The following HERC1 variants were observed in gnomAD, a reference collection of about 807,000 sequenced individuals.
The protein encoded by HERC1 is probable E3 ubiquitin-protein ligase HERC1.
A neutral mutation model predicts 554.3 loss-of-function variants in HERC1; 160 were observed. The ratio of observed to expected loss-of-function variants is 0.29; its 90% CI spans 0.25 to 0.33. The LOEUF (loss-of-function observed/expected upper bound fraction) is 0.33, where lower values mean the gene tolerates loss of function less well. Among genes scored for constraint, HERC1 ranks in the 10% least tolerant of loss-of-function variants. The pLI, the probability that HERC1 is intolerant of heterozygous loss-of-function variation, is 1.00. For synonymous variants in HERC1, 2,175 were observed against 2,131.7 expected (o/e 1.02, Z -0.56); for missense variants, 4,919 against 5,918.5 (o/e 0.83, Z 5.54).
At position 63,643,393 on chromosome 15, in the gene HERC1, T is replaced by A. The variant is rs1334007748; in HGVS notation, c.11331+11A>T. The A allele has an allele frequency of 6.2e-7, 1 of 1,601,972 alleles. No homozygotes were observed. Among genetic ancestry groups the A allele is most frequent in the Non-Finnish European group, 8.5e-7 (1 of 1,175,986 alleles). Reference sequence around the variant, plus strand: ...TATTCCTTAACATAAAAATAAAATCTATGCTCTTACCCTTAAAGACCAAAT... The same window carrying A: ...TATTCCTTAACATAAAAATAAAATCAATGCTCTTACCCTTAAAGACCAAAT... On this transcript the variant is annotated intron_variant, in intron 58 of 77. Coordinates refer to ENST00000443617, the MANE Select transcript of HERC1 (RefSeq NM_003922.4).
At chr15:63,741,956 T>C (rs1462145812) in intron 12 of HERC1, among the ~76,000 whole-genome samples, 1 of 152,214 alleles carries the variant, frequency 6.6e-6, no homozygotes, top group Non-Finnish European at 1.5e-5. Context: ...CAAGACTGTT[T>C]TGGCTACTCT....
chr15:63,711,240 G>C (rs2073277088), intron 24 of HERC1, among the ~76,000 whole-genome samples: 1 of 152,172 alleles, frequency 6.6e-6, no homozygotes, highest in African/African-American at 2.4e-5. Context: ...CAGGAGGATT[G>C]CTTGAGCTCA....
chr15:63,831,758 C>T (rs1596348550), intron 1 of HERC1, among the ~76,000 whole-genome samples: 2 of 152,254 alleles, frequency 1.3e-5, no homozygotes, highest in African/African-American at 4.8e-5. Context: ...TCTACTAACC[C>T]AATCCAGTCC....
chr15:63,689,803 T>C (rs1050470827), intron 32 of HERC1, 104 bp from the exon 33 acceptor site: 1 of 629,426 alleles, frequency 1.6e-6, no homozygotes, highest in Non-Finnish European at 2.7e-6. Context: ...CATGCGAAGT[T>C]TGATTATACC....
intron 1 of HERC1, among the ~76,000 whole-genome samples, chr15:63,796,928 T>G (rs2076831566): frequency 6.6e-6 from 1 of 152,218 alleles, no homozygotes; most frequent in Non-Finnish European, 1.5e-5. Context: ...TCTTGTTCTA[T>G]CAGTAATTCC....
intron 12 of HERC1, among the ~76,000 whole-genome samples, chr15:63,744,879 G>T (rs1170744348): frequency 2.6e-5 from 4 of 152,170 alleles, no homozygotes; most frequent in Non-Finnish European, 5.9e-5. Context: ...AAGCCAGAAA[G>T]TCTCAGAGGC....
At chr15:63,829,722 T>C (rs1324736415) in intron 1 of HERC1, among the ~76,000 whole-genome samples, 1 of 151,164 alleles carries the variant, frequency 6.6e-6, no homozygotes, top group Non-Finnish European at 1.5e-5. Flanking sequence ...CAGAGCTCCT[T>C]GGAGAAGTAG....
At chr15:63,724,953 A>G (rs1315109773) in intron 18 of HERC1, among the ~76,000 whole-genome samples, 1 of 152,216 alleles carries the variant, frequency 6.6e-6, no homozygotes, top group Non-Finnish European at 1.5e-5. Context: ...AAGTACTCTT[A>G]CAGTGCTTTA....
At chr15:63,791,435 A>G (rs1019760198) in intron 1 of HERC1, among the ~76,000 whole-genome samples, 1 of 152,218 alleles carries the variant, frequency 6.6e-6, no homozygotes. Context: ...AGAAAGATGA[A>G]TCATCAATGC....
intron 1 of HERC1, among the ~76,000 whole-genome samples, chr15:63,831,550 C>A (rs772064277): frequency 6.6e-6 from 1 of 152,114 alleles, no homozygotes; most frequent in Admixed American, 6.5e-5. Context: ...TCTCACTCTC[C>A]AAGCCACGAT....
intron 68 of HERC1, among the ~76,000 whole-genome samples, chr15:63,631,109 G>C (rs2068531731): frequency 6.6e-6 from 1 of 152,154 alleles, no homozygotes; most frequent in South Asian, 2.1e-4. Flanking sequence ...CTCCTGAGTA[G>C]CTTGGACCAC....
rs143758889 is a variant in HERC1 at position 63,656,474 on chromosome 15, C to T, written c.9600-116G>A. On this transcript the variant is annotated intron_variant, in intron 48 of 77. Coordinates refer to ENST00000443617, the MANE Select transcript of HERC1 (RefSeq NM_003922.4). ...CAACCATAATAAAATGTAAGCTGCA[C>T]TATCATTAGCCATACATGTCCTAAG... 34 of 903,468 alleles carry T rather than the reference C, an allele frequency of 3.8e-5. No individual in the cohort carries two copies. The East Asian group carries it at 8.0e-4, about 21-fold the overall frequency. The allele number at this position is 903,468 out of a possible 1,614,324, so 56.0% of individuals were successfully genotyped here.
Position 63,635,034 on chromosome 15 carries a change from T to A in HERC1, c.12415-146A>T, listed in dbSNP as rs564262250. 728 of 391,732 alleles carry A rather than the reference T, an allele frequency of 1.9e-3. 7 individuals are homozygous for A. The East Asian group carries it at 0.02, about 11-fold the overall frequency. The allele number at this position is 391,732 out of a possible 1,614,324, so 24.3% of individuals were successfully genotyped here. On this transcript the variant is annotated intron_variant, in intron 65 of 77. Coordinates refer to ENST00000443617, the MANE Select transcript of HERC1 (RefSeq NM_003922.4). The stretch of plus-strand genomic sequence containing the variant: ...CTTCAAAGACCAATGCTTTTAAAAA[T>A]TTTTTTTTTTAATTTTTTTTTAAAT...
At chr15:63,686,008 G>T (rs2071740516) in intron 34 of HERC1, among the ~76,000 whole-genome samples, 1 of 152,138 alleles carries the variant, frequency 6.6e-6, no homozygotes, top group South Asian at 2.1e-4. Flanking sequence ...TAAAAATTGT[G>T]GGCACTGAAT....
intron 61 of HERC1, among the ~76,000 whole-genome samples, 171 bp from the exon 62 acceptor site, chr15:63,638,947 G>A (rs377649950): frequency 1.3e-5 from 2 of 152,166 alleles, no homozygotes; most frequent in African/African-American, 4.8e-5. Context: ...TTTATGCACT[G>A]TCAGTATTTC....
intron 1 of HERC1, among the ~76,000 whole-genome samples, chr15:63,833,573 C>G (rs2078232150): frequency 6.6e-6 from 1 of 151,952 alleles, no homozygotes; most frequent in African/African-American, 2.4e-5. Flanking sequence ...CTACGCTGCT[C>G]CGAGGCGCCC....
intron 3 of HERC1, among the ~76,000 whole-genome samples, chr15:63,762,625 CATG>C (rs1445106363): frequency 2.0e-5 from 3 of 152,174 alleles, no homozygotes; most frequent in East Asian, 3.9e-4. Context: ...GCACCCAGCC[CATG>C]ATATTTTTTA....
chr15:63,610,279 A>G (rs1419743140), intron 77 of HERC1, among the ~76,000 whole-genome samples: 1 of 152,214 alleles, frequency 6.6e-6, no homozygotes, highest in Non-Finnish European at 1.5e-5. Flanking sequence ...GCCAGTGATG[A>G]CACAGCTCAA....
At position 63,692,957 on chromosome 15, in the gene HERC1, G is replaced by A. The variant is rs2072192065; in HGVS notation, c.5675-391C>T. Among the ~76,000 whole-genome samples, 2 of 152,064 alleles carry A rather than the reference G, an allele frequency of 1.3e-5. No individual in the cohort carries two copies. The highest frequency in any genetic ancestry group is 1.3e-4 in the Admixed American group (2 of 15,260). On this transcript the variant is annotated intron_variant, in intron 30 of 77. Transcript: ENST00000443617. The surrounding 1 kb of genome is among the most constrained non-coding windows in gnomAD (Gnocchi z 4.7). ...GCACTTTGGGAGGTCGAGGCGGGCG[G>A]ATCACTTGAGGTCAGGAGTTCAAGA...
Sources: allele counts gnomAD v4.1 joint callset (sites outside exome capture counted in the v4.1 genomes callset), GRCh38; gene constraint gnomAD v4.1.1; non-coding constraint Gnocchi (gnomAD v3.1); transcripts MANE v1.5; gene names NCBI Gene and HGNC (gene_info 2026-07-23, HGNC 2026-07-21).